CHL1: variants seen among roughly 807,000 people sequenced by gnomAD.
The protein encoded by CHL1 is neural cell adhesion molecule L1-like protein.
CHL1 carries 96 observed loss-of-function variants against 141.9 expected under a neutral mutation model. That is an observed-to-expected ratio of 0.68 (90% CI 0.57 to 0.80). The LOEUF (loss-of-function observed/expected upper bound fraction) is 0.80. Among genes scored for constraint, CHL1 ranks in the 30% least tolerant of loss-of-function variants. CHL1 has a pLI of 0.00. For missense variants in CHL1, 1,820 were observed against 1,457.2 expected (o/e 1.25, Z -4.05); for synonymous variants, 613 against 502.2 (o/e 1.22, Z -2.95).
At chr3:251,814 T>C (rs971623244) in intron 2 of CHL1, among the ~76,000 whole-genome samples, 6 of 152,168 alleles carry the variant, frequency 3.9e-5, no homozygotes, top group African/African-American at 1.4e-4. Context: ...AGATTCAATT[T>C]TATAGCACAT....
intron 2 of CHL1, among the ~76,000 whole-genome samples, chr3:313,567 A>T (rs1462998290): frequency 6.6e-6 from 1 of 152,202 alleles, no homozygotes; most frequent in African/African-American, 2.4e-5. Flanking sequence ...GGTGAAAAAA[A>T]CAAGTGATTA....
At chr3:217,204 G>A (rs1029820802) in intron 1 of CHL1, among the ~76,000 whole-genome samples, 1 of 152,160 alleles carries the variant, frequency 6.6e-6, no homozygotes, top group Non-Finnish European at 1.5e-5. Context: ...CCATGGGGTT[G>A]CAGCTGTGCT....
At chr3:276,405 G>C (rs1190541522) in intron 2 of CHL1, among the ~76,000 whole-genome samples, 2 of 152,160 alleles carry the variant, frequency 1.3e-5, no homozygotes, top group Non-Finnish European at 2.9e-5. Flanking sequence ...GCAGAGTTTA[G>C]CCTGTTTGGA....
At chr3:389,185 G>T in intron 19 of CHL1, 67 bp from the exon 20 acceptor site, 1 of 1,203,554 alleles carries the variant, frequency 8.3e-7, no homozygotes, top group South Asian at 1.3e-5. Context: ...CACTTAGGGT[G>T]GTTCACCATC....
Position 406,903 on chromosome 3 carries a change from ATCTACCCCAGCCCCTC to A in CHL1, c.*1193_*1208del, listed in dbSNP as rs1559370639. On this transcript the variant is annotated 3_prime_UTR_variant, in exon 28 of 28. Transcript: ENST00000256509. ...AATAGGTTTTTATTGTTGAATGTAC[ATCTACCCCAGCCCCTC>A]AAAAGAAAAACTGTTTACATAGAAA... The A allele has an allele frequency of 6.6e-6, 1 of 152,160 alleles. No individual in the cohort carries two copies. The highest frequency in any genetic ancestry group is 1.5e-5 in the Non-Finnish European group (1 of 68,018). 9.4% of individuals were successfully genotyped at this position (152,160 alleles called of 1,614,324 possible). A position where few individuals can be genotyped will look rare whatever the true frequency, so the allele number is the denominator to read the frequency against.
intron 2 of CHL1, among the ~76,000 whole-genome samples, chr3:284,080 T>C (rs1440106895): frequency 1.3e-5 from 2 of 152,204 alleles, no homozygotes; most frequent in East Asian, 1.9e-4. Flanking sequence ...GTAGAGGGGA[T>C]ACATTCGTGA....
rs143590342 is a variant in CHL1, at chr3:205,195, C to T, written c.-175+8132C>T. On this transcript the variant is annotated intron_variant, in intron 1 of 27. Coordinates refer to ENST00000256509, the MANE Select transcript of CHL1 (RefSeq NM_006614.4). ...GTATGGTCATCGCTCACTGCAACCT[C>T]GAACTCCTGGGCTCAAGTTATTCTC... Among the ~76,000 whole-genome samples, 21 of 150,370 alleles carry T rather than the reference C, an allele frequency of 1.4e-4. No homozygotes were observed. In the East Asian group the frequency reaches 3.1e-3, roughly 22 times the overall value.
chr3:381,468 G>A (rs1268069974), intron 16 of CHL1, among the ~76,000 whole-genome samples: 1 of 152,202 alleles, frequency 6.6e-6, no homozygotes, highest in Admixed American at 6.5e-5. Context: ...TGGCTTGCAG[G>A]TGAAGGTATT....
intron 1 of CHL1, among the ~76,000 whole-genome samples, chr3:221,995 C>G (rs896409028): frequency 6.6e-6 from 1 of 152,080 alleles, no homozygotes; most frequent in Non-Finnish European, 1.5e-5. Flanking sequence ...CATCTCCTTA[C>G]AAAGTAATTA....
intron 3 of CHL1, among the ~76,000 whole-genome samples, chr3:322,312 A>G: frequency 6.7e-6 from 1 of 150,346 alleles, no homozygotes; most frequent in Non-Finnish European, 1.5e-5. Flanking sequence ...TTAAAAAAAT[A>G]GAATTAATAG....
intron 10 of CHL1, among the ~76,000 whole-genome samples, chr3:353,728 C>T (rs541243962): frequency 1.3e-5 from 2 of 152,210 alleles, no homozygotes; most frequent in Non-Finnish European, 2.9e-5. Flanking sequence ...TCTTTGAAGA[C>T]TTTCGTTTTT....
chr3:401,497 A>G (rs1426664838), intron 26 of CHL1, 129 bp from the exon 27 acceptor site: 2 of 585,670 alleles, frequency 3.4e-6, no homozygotes, highest in Non-Finnish European at 3.0e-6. Context: ...AGAAAAAAAT[A>G]TTGCCTCACT....
intron 1 of CHL1, among the ~76,000 whole-genome samples, chr3:219,213 A>G (rs11721252): frequency 0.62 from 94,690 of 151,732 alleles, 29,984 homozygotes; most frequent in African/African-American, 0.69. Flanking sequence ...AAGAGAAAGT[A>G]CACTGTTAGC....
intron 15 of CHL1, chr3:376,259 G>A (rs559603200): frequency 1.4e-4 from 53 of 388,346 alleles, no homozygotes; most frequent in Admixed American, 2.9e-4. Flanking sequence ...GTGTGACCCC[G>A]TGTGTGATTT....
At chr3:268,051 G>A (rs1267992625) in intron 2 of CHL1, among the ~76,000 whole-genome samples, 1 of 151,944 alleles carries the variant, frequency 6.6e-6, no homozygotes, top group South Asian at 2.1e-4. Flanking sequence ...TGTCATTATC[G>A]CATTCTCTGT....
intron 25 of CHL1, 102 bp downstream of exon 25, chr3:398,487 TATTA>T: frequency 1.6e-6 from 1 of 613,846 alleles, no homozygotes; most frequent in Non-Finnish European, 2.7e-6. Flanking sequence ...ACACTGAGTG[TATTA>T]ATTATGAAAA....
intron 2 of CHL1, among the ~76,000 whole-genome samples, chr3:316,666 G>C (rs529599737): frequency 1.6e-4 from 24 of 151,868 alleles, no homozygotes; most frequent in African/African-American, 5.6e-4. Context: ...ATAACACAAA[G>C]AAATGATAAA....
intron 1 of CHL1, among the ~76,000 whole-genome samples, chr3:204,417 A>C (rs1027354498): frequency 6.6e-6 from 1 of 152,250 alleles, no homozygotes; most frequent in African/African-American, 2.4e-5. Flanking sequence ...TAGTTGTATC[A>C]GAACAAGGAC....
intron 2 of CHL1, among the ~76,000 whole-genome samples, chr3:294,152 C>G (rs992066441): frequency 6.6e-6 from 1 of 152,026 alleles, no homozygotes; most frequent in African/African-American, 2.4e-5. Flanking sequence ...AACCCTGTCT[C>G]TATACAAAAT....
Sources: gnomAD v4.1 joint callset for allele counts (sites outside exome capture counted in the v4.1 genomes callset) on GRCh38, gnomAD v4.1.1 for gene constraint, MANE v1.5 for transcripts, NCBI Gene and HGNC (gene_info 2026-07-23, HGNC 2026-07-21) for gene names.